Variants in MEGF6 observed in about 807,000 individuals in gnomAD.
The protein encoded by MEGF6 is multiple EGF like domains 6.
In MEGF6, 184 loss-of-function variants were observed where a neutral mutation model predicts 207.1. That is an observed-to-expected ratio of 0.89 (90% CI 0.79 to 1.00). The LOEUF is 1.00. Ranked by LOEUF, MEGF6 falls within the 50% of genes least tolerant of loss-of-function variation. MEGF6 has a pLI of 0.00. For synonymous variants in MEGF6, 1,038 were observed against 910.0 expected, an observed-to-expected ratio of 1.14 and a Z score of -2.53; for missense variants, 2,282 against 2,202.9, an observed-to-expected ratio of 1.04 and a Z score of -0.72.
At chr1:3,496,337 G>A (rs1203437827) in intron 29 of MEGF6, among the ~76,000 whole-genome samples, 3 of 152,238 alleles carry the variant, frequency 2.0e-5, no homozygotes, top group African/African-American at 4.8e-5. Flanking sequence ...CAGGACGCTT[G>A]GCCACAGTTG....
intron 4 of MEGF6, among the ~76,000 whole-genome samples, chr1:3,557,385 C>T (rs1216301572): frequency 2.6e-5 from 4 of 152,230 alleles, no homozygotes; most frequent in Non-Finnish European, 5.9e-5. Context: ...CTGCTCCCGG[C>T]TGCAGCTGCC....
intron 4 of MEGF6, chr1:3,531,454 T>C: frequency 9.1e-7 from 1 of 1,098,360 alleles, no homozygotes; most frequent in Non-Finnish European, 1.1e-6. Flanking sequence ...TTCTCAGCTT[T>C]CCCTCCGCCC....
upstream of MEGF6, among the ~76,000 whole-genome samples, chr1:3,612,647 T>G (rs1644343121): frequency 6.6e-6 from 1 of 152,192 alleles, no homozygotes; most frequent in African/African-American, 2.4e-5. Flanking sequence ...CACTGAAGCC[T>G]GGCCAGGCCC....
rs757663427 is a variant in MEGF6, at chr1:3,595,346, C to T, written c.368G>A (p.Cys123Tyr). The change falls in exon 3 of 37, where the codon TGC (cysteine) becomes TAC (tyrosine). Residue 123 changes from cysteine to tyrosine, a missense_variant. Transcript: ENST00000356575. ...GCGCAGGCGGCACTCACCCGAGAGG[C>T]AGCCCTCCTCGTCGGGCTGCTGCAT... is the stretch of plus-strand genomic sequence containing the variant. ...GWMQQPDEEG[C>Y]LSAECSASLC... 43 of 1,611,398 alleles carry T rather than the reference C, an allele frequency of 2.7e-5. No individual in the cohort carries two copies. In the East Asian group the frequency reaches 6.9e-4, roughly 26 times the overall value.
intron 4 of MEGF6, among the ~76,000 whole-genome samples, chr1:3,538,698 G>C (rs1208155418): frequency 1.4e-4 from 2 of 14,090 alleles, no homozygotes; most frequent in East Asian, 1.3e-3. Flanking sequence ...GCATGTGCCT[G>C]TGTGTGTGTG....
At position 3,501,776 on chromosome 1, in the gene MEGF6, G is replaced by A; in HGVS notation, c.2314+20C>T. 3 of 1,608,752 alleles carry A rather than the reference G, an allele frequency of 1.9e-6. No individual in the cohort carries two copies. In the East Asian group the frequency reaches 6.7e-5, roughly 36 times the overall value. ...CGTGCAGCCTGGGGAGGCGGAACTG[G>A]GGCTGCGGCTGACACTCACCTGCCT... On this transcript the variant is annotated intron_variant, in intron 18 of 36. Transcript: ENST00000356575.
Position 3,506,178 on chromosome 1 carries a change from C to A in MEGF6, c.1848G>T (p.Arg616=). The change falls in exon 15 of 37, where the codon CGG becomes CGT. Residue 616 remains arginine, a synonymous_variant. Coordinates refer to ENST00000356575, the MANE Select transcript of MEGF6 (RefSeq NM_001409.4). ...CCCCGTAGAGGCGGTGGCACCGGCC[C>A]CGGTTGGCACAGTTGCATTTCTTGC... is the stretch of plus-strand genomic sequence containing the variant. ...HCRKKCNCAN[R]GRCHRLYGAC... The A allele has an allele frequency of 6.3e-7, 1 of 1,598,952 alleles. No homozygotes were observed. Among genetic ancestry groups the A allele is most frequent in the Non-Finnish European group, 8.5e-7 (1 of 1,172,300 alleles).
intron 4 of MEGF6, among the ~76,000 whole-genome samples, chr1:3,548,439 C>T (rs776000471): frequency 2.6e-5 from 4 of 152,250 alleles, no homozygotes; most frequent in Non-Finnish European, 5.9e-5. Context: ...CACAGCCCTG[C>T]GGAGGTCCAT....
Position 3,508,754 on chromosome 1 carries a change from C to G in MEGF6, c.1529-65G>C. 4.4e-6 allele frequency: 7 copies of G among 1,575,508 alleles called. No homozygotes were observed. In the South Asian group the frequency reaches 5.8e-5, roughly 13 times the overall value. Reference sequence around the variant, plus strand: ...CCTGGCCTCAGCAGGCACAGAGGCCCGGCTCAGACCCTCAGGCCAGGGAAG... The same window carrying G: ...CCTGGCCTCAGCAGGCACAGAGGCCGGGCTCAGACCCTCAGGCCAGGGAAG... On this transcript the variant is annotated intron_variant, in intron 12 of 36. Transcript: ENST00000356575.
At chr1:3,611,076 G>T (rs903035210) in intron 1 of MEGF6, 62 bp downstream of exon 1, 3 of 1,407,432 alleles carry the variant, frequency 2.1e-6, no homozygotes, top group Admixed American at 6.3e-5. Flanking sequence ...TCCACCACGG[G>T]CCTCCAGAGG....
intron 3 of MEGF6, among the ~76,000 whole-genome samples, chr1:3,580,685 CCAACT>C (rs1419410419): frequency 6.6e-6 from 1 of 152,054 alleles, no homozygotes; most frequent in Non-Finnish European, 1.5e-5. Context: ...GGCTCCAATA[CCAACT>C]TCCTTCACCG....
At chr1:3,591,250 C>T (rs1008728805) in intron 3 of MEGF6, among the ~76,000 whole-genome samples, 1 of 152,206 alleles carries the variant, frequency 6.6e-6, no homozygotes, top group Non-Finnish European at 1.5e-5. Context: ...AAGGCAGAGC[C>T]TCAGCTGAGC....
chr1:3,574,024 C>A (rs1250450483), intron 4 of MEGF6, among the ~76,000 whole-genome samples: 2 of 152,176 alleles, frequency 1.3e-5, no homozygotes, highest in African/African-American at 4.8e-5. Flanking sequence ...GCTGCCAGAG[C>A]CACCTCCAGC....
At chr1:3,501,721 C>CCACAGT in intron 18 of MEGF6, 75 bp downstream of exon 18, 1 of 1,542,032 alleles carries the variant, frequency 6.5e-7, no homozygotes, top group Non-Finnish European at 8.7e-7. Context: ...GCTGGGGCCC[C>CCACAGT]CACAGTTCAG....
At chr1:3,571,781 C>T (rs1643502257) in intron 4 of MEGF6, among the ~76,000 whole-genome samples, 1 of 139,108 alleles carries the variant, frequency 7.2e-6, no homozygotes, top group African/African-American at 2.8e-5. Context: ...TGTGCTGAGT[C>T]CTTTCCAGGT....
chr1:3,560,665 T>G lies in MEGF6; in HGVS notation c.481+19160A>C. On this transcript the variant is annotated intron_variant, in intron 4 of 36. Transcript: ENST00000356575. The surrounding 1 kb of genome is among the most constrained non-coding windows in gnomAD (Gnocchi z 4.0). ...GTCCCTTCCCAGGCTTGGGGGAGGC[T>G]GGGTGCCATCAACCCCTCCCCATCT... The G allele has an allele frequency of 2.2e-6, 1 of 449,214 alleles. No homozygotes were observed. Among genetic ancestry groups the G allele is most frequent in the Middle Eastern group, 3.3e-4 (1 of 3,004 alleles). The allele number at this position is 449,214 out of a possible 1,614,324, so 27.8% of individuals were successfully genotyped here.
intron 4 of MEGF6, among the ~76,000 whole-genome samples, chr1:3,550,624 G>C (rs899113536): frequency 1.3e-5 from 2 of 152,252 alleles, no homozygotes; most frequent in Non-Finnish European, 1.5e-5. Flanking sequence ...GAAAGAAGCG[G>C]TCGTGCCCAG....
intron 15 of MEGF6, 27 bp from the exon 16 acceptor site, chr1:3,505,583 G>T: frequency 6.5e-7 from 1 of 1,526,918 alleles, no homozygotes. Flanking sequence ...GTTGAGGGGG[G>T]CTCCCGTCTG....
intron 34 of MEGF6, 64 bp from the exon 35 acceptor site, chr1:3,492,831 G>A (rs567064508): frequency 1.9e-6 from 3 of 1,572,624 alleles, no homozygotes; most frequent in South Asian, 1.1e-5. Context: ...GCGCCAAGGA[G>A]CCTGGGCCTA....
Sources: gnomAD v4.1 joint callset for allele counts (sites outside exome capture counted in the v4.1 genomes callset) on GRCh38, gnomAD v4.1.1 for gene constraint, Gnocchi (gnomAD v3.1) non-coding constraint, MANE v1.5 for transcripts, NCBI Gene and HGNC (gene_info 2026-07-23, HGNC 2026-07-21) for gene names.